The following ABTB2 variants were observed in gnomAD, a reference collection of about 807,000 sequenced individuals.
ABTB2 encodes the protein ankyrin repeat and BTB/POZ domain-containing protein 2.
ABTB2 carries 56 observed loss-of-function variants against 104.1 expected under a neutral mutation model. The observed-to-expected ratio is 0.54, with a 90% CI of 0.43 to 0.67. The LOEUF (loss-of-function observed/expected upper bound fraction) is 0.67, where lower values mean the gene tolerates loss of function less well. ABTB2 is among the 30% of genes least tolerant of loss of function. ABTB2 has a pLI of 0.00. For missense variants in ABTB2, 1,279 were observed against 1,407.7 expected, an observed-to-expected ratio of 0.91 and a Z score of 1.46; for synonymous variants, 606 against 608.2, an observed-to-expected ratio of 1.00 and a Z score of 0.05.
chr11:34,317,781 T>A (rs1034827531), intron 1 of ABTB2, among the ~76,000 whole-genome samples: 23 of 123,630 alleles, frequency 1.9e-4, no homozygotes, highest in Non-Finnish European at 3.7e-4. Flanking sequence ...AAAAAAAAAT[T>A]AATAACGGCT....
intron 4 of ABTB2, 79 bp downstream of exon 4, chr11:34,173,076 C>T: frequency 1.9e-6 from 3 of 1,581,330 alleles, no homozygotes; most frequent in Non-Finnish European, 2.6e-6. Flanking sequence ...GCCCAGCCAT[C>T]TGGGGAAGAA....
intron 1 of ABTB2, among the ~76,000 whole-genome samples, chr11:34,344,887 C>T (rs189781268): frequency 1.3e-3 from 200 of 152,260 alleles, no homozygotes; most frequent in African/African-American, 4.5e-3. Context: ...CCATACACAG[C>T]TTTCCCCACT....
At chr11:34,246,847 C>CTTTTTTTTTTTTTTTT (rs199831054) in intron 1 of ABTB2, among the ~76,000 whole-genome samples, 2 of 118,282 alleles carry the variant, frequency 1.7e-5, no homozygotes, top group African/African-American at 3.2e-5. Context: ...TTTCTTTTTT[C>CTTTTTTTTTTTTTTTT]TTTTTTTTTT....
intron 1 of ABTB2, among the ~76,000 whole-genome samples, chr11:34,326,895 G>A (rs761950950): frequency 6.6e-6 from 1 of 152,066 alleles, no homozygotes; most frequent in Non-Finnish European, 1.5e-5. Flanking sequence ...CATGGTGAAA[G>A]CCTGTCTCTA....
At chr11:34,187,908 A>C (rs943930764) in intron 3 of ABTB2, among the ~76,000 whole-genome samples, 1 of 152,132 alleles carries the variant, frequency 6.6e-6, no homozygotes, top group South Asian at 2.1e-4. Context: ...AGAAGATATG[A>C]TTTTTGCTGT....
At chr11:34,217,261 G>A (rs191630336) in intron 1 of ABTB2, among the ~76,000 whole-genome samples, 1 of 152,262 alleles carries the variant, frequency 6.6e-6, no homozygotes, top group Admixed American at 6.5e-5. Context: ...CCTGGGATAA[G>A]TCCTAATTTT....
intron 1 of ABTB2, among the ~76,000 whole-genome samples, chr11:34,304,571 A>G (rs1564928296): frequency 6.6e-6 from 1 of 152,200 alleles, no homozygotes; most frequent in Non-Finnish European, 1.5e-5. Context: ...CTGTAATCCA[A>G]CACTTCAGGA....
intron 2 of ABTB2, among the ~76,000 whole-genome samples, chr11:34,202,399 GGATGAAGT>G (rs1404628058): frequency 3.3e-5 from 5 of 152,200 alleles, no homozygotes; most frequent in Non-Finnish European, 5.9e-5. Flanking sequence ...ACAGAGAAGA[GGATGAAGT>G]GATGAAGTCA....
intron 1 of ABTB2, among the ~76,000 whole-genome samples, chr11:34,247,994 C>A (rs1033480786): frequency 1.3e-5 from 2 of 151,786 alleles, no homozygotes; most frequent in African/African-American, 4.8e-5. Flanking sequence ...AATAGCTACA[C>A]CTGGTGGGCA....
At chr11:34,355,693 C>G (rs997823616) in intron 1 of ABTB2, among the ~76,000 whole-genome samples, 1 of 152,154 alleles carries the variant, frequency 6.6e-6, no homozygotes, top group East Asian at 1.9e-4. Context: ...CCAATCAGAT[C>G]GTAAGGCTGT....
intron 1 of ABTB2, among the ~76,000 whole-genome samples, chr11:34,272,467 G>GGA (rs1205108371): frequency 3.9e-5 from 6 of 151,910 alleles, no homozygotes; most frequent in Non-Finnish European, 7.4e-5. Context: ...CAGCACTTTG[G>GGA]GAGGCCAAGG....
At chr11:34,292,228 A>G (rs1024978895) in intron 1 of ABTB2, among the ~76,000 whole-genome samples, 3 of 152,214 alleles carry the variant, frequency 2.0e-5, no homozygotes, top group Non-Finnish European at 2.9e-5. Flanking sequence ...GAGGGAAGGA[A>G]AAGCCGCAGT....
chr11:34,165,167 A>ACATGCCTGC (rs1852780735), intron 8 of ABTB2, 93 bp downstream of exon 8: 1 of 1,211,570 alleles, frequency 8.3e-7, no homozygotes, highest in African/African-American at 1.5e-5. Context: ...CGTGTGTGCT[A>ACATGCCTGC]AAGAGACCCC....
At chr11:34,206,682 C>T (rs1853411378) in intron 1 of ABTB2, among the ~76,000 whole-genome samples, 1 of 152,160 alleles carries the variant, frequency 6.6e-6, no homozygotes, top group Non-Finnish European at 1.5e-5. Context: ...TGTGCTGAAC[C>T]CCATGTGTTT....
At chr11:34,346,776 G>A (rs1855337453) in intron 1 of ABTB2, among the ~76,000 whole-genome samples, 1 of 152,176 alleles carries the variant, frequency 6.6e-6, no homozygotes, top group Non-Finnish European at 1.5e-5. Flanking sequence ...GACGGGGCAA[G>A]CTCCACCCCA....
intron 3 of ABTB2, among the ~76,000 whole-genome samples, chr11:34,184,025 CT>C (rs976027616): frequency 1.2e-4 from 18 of 152,006 alleles, no homozygotes; most frequent in Admixed American, 7.9e-4. Flanking sequence ...TTAAGCGATC[CT>C]CCCATCTCAG....
chr11:34,232,457 A>AAAACAAAAC (rs1346049166), intron 1 of ABTB2, among the ~76,000 whole-genome samples: 1 of 151,338 alleles, frequency 6.6e-6, no homozygotes, highest in African/African-American at 2.4e-5. Flanking sequence ...CTCAAAAAAA[A>AAAACAAAAC]AAAAAAAAAT....
chr11:34,312,442 G>T (rs1403751087), intron 1 of ABTB2, among the ~76,000 whole-genome samples: 3 of 152,168 alleles, frequency 2.0e-5, no homozygotes, highest in African/African-American at 7.2e-5. Context: ...GGATTATAAG[G>T]GATAAACAAG....
chr11:34,224,808 C>T (rs1853667100), intron 1 of ABTB2, among the ~76,000 whole-genome samples: 1 of 152,186 alleles, frequency 6.6e-6, no homozygotes, highest in East Asian at 1.9e-4. Context: ...CTGAACTCTG[C>T]CCCTCTCCTC....
Sources: gnomAD v4.1 joint callset for allele counts (sites outside exome capture counted in the v4.1 genomes callset) on GRCh38, gnomAD v4.1.1 for gene constraint, MANE v1.5 for transcripts, NCBI Gene and HGNC (gene_info 2026-07-23, HGNC 2026-07-21) for gene names.